Variants in RASA3 observed in about 807,000 individuals in gnomAD.
The protein encoded by RASA3 is ras GTPase-activating protein 3.
A neutral mutation model predicts 110.0 loss-of-function variants in RASA3; 73 were observed. The ratio of observed to expected loss-of-function variants is 0.66; its 90% confidence interval spans 0.55 to 0.81. The LOEUF (loss-of-function observed/expected upper bound fraction) is 0.81. RASA3 is among the 30% of genes least tolerant of loss of function. The pLI is 0.00. For missense variants in RASA3, 976 were observed against 1,113.2 expected (o/e 0.88, Z 1.75); for synonymous variants, 500 against 451.4 (o/e 1.11, Z -1.37).
At chr13:114,095,026 CTAT>C (rs1192746955) in intron 1 of RASA3, among the ~76,000 whole-genome samples, 1 of 152,176 alleles carries the variant, frequency 6.6e-6, no homozygotes, top group Non-Finnish European at 1.5e-5. Flanking sequence ...AAAGGTGATG[CTAT>C]TATTCTACCT....
At chr13:113,981,639 C>A (rs2052936770) in intron 23 of RASA3, 36 bp downstream of exon 23, 1 of 1,607,046 alleles carries the variant, frequency 6.2e-7, no homozygotes, top group African/African-American at 1.3e-5. Flanking sequence ...GCCCACTACA[C>A]TGGCCGTCCA....
intron 4 of RASA3, among the ~76,000 whole-genome samples, chr13:114,033,893 C>T (rs1321019177): frequency 4.6e-5 from 7 of 152,252 alleles, no homozygotes; most frequent in South Asian, 4.1e-4. Context: ...ATGAACCCCA[C>T]GCCAGCACTG....
chr13:114,019,409 C>G (rs1245374012), intron 9 of RASA3, among the ~76,000 whole-genome samples: 1 of 152,260 alleles, frequency 6.6e-6, no homozygotes, highest in Non-Finnish European at 1.5e-5. Flanking sequence ...ATCTTTGGTT[C>G]TACCCCACGC....
At chr13:114,003,491 C>A (rs2053448986) in intron 18 of RASA3, among the ~76,000 whole-genome samples, 1 of 152,226 alleles carries the variant, frequency 6.6e-6, no homozygotes, top group Admixed American at 6.5e-5. Context: ...AAAAAGTTTC[C>A]TCTTCAAAGT....
chr13:114,044,854 T>A (rs951186578), intron 3 of RASA3, among the ~76,000 whole-genome samples: 2 of 152,140 alleles, frequency 1.3e-5, no homozygotes, highest in African/African-American at 4.8e-5. Context: ...TTCACATTTT[T>A]ATGAGCTGAA....
rs1014065956 is a variant in RASA3 at position 114,057,864 on chromosome 13, G to C, written c.174-5709C>G. Among the ~76,000 whole-genome samples the C allele has an allele frequency of 1.3e-5, 2 of 152,164 alleles. No homozygotes were observed. The highest frequency in any genetic ancestry group is 1.9e-4 in the East Asian group (1 of 5,186). ...AATGGCTTCCCTGGGGTGCGGGCTC[G>C]GCCTGCAGGATGGAGGCTGGAGAGC... On this transcript the variant is annotated intron_variant, in intron 2 of 23. Transcript: ENST00000334062. The surrounding 1 kb of genome is among the most constrained non-coding windows in gnomAD (Gnocchi z 5.0).
At chr13:113,991,127 C>T (rs528926270) in intron 22 of RASA3, among the ~76,000 whole-genome samples, 3 of 113,742 alleles carry the variant, frequency 2.6e-5, no homozygotes, top group Admixed American at 1.8e-4. Flanking sequence ...ACACCCAGGG[C>T]ATGTGGGGCT....
intron 2 of RASA3, among the ~76,000 whole-genome samples, chr13:114,071,418 G>A (rs1566550472): frequency 6.6e-6 from 1 of 152,190 alleles, no homozygotes; most frequent in Non-Finnish European, 1.5e-5. Context: ...GGTCTGAGAG[G>A]ATCCCGGCCT....
At chr13:114,046,676 G>A (rs138515639) in intron 3 of RASA3, among the ~76,000 whole-genome samples, 1 of 152,300 alleles carries the variant, frequency 6.6e-6, no homozygotes, top group East Asian at 1.9e-4. Flanking sequence ...ACCCATCCCT[G>A]TCTCAGCTAG....
At chr13:114,052,453 G>C (rs945777989) in intron 2 of RASA3, among the ~76,000 whole-genome samples, 1 of 152,204 alleles carries the variant, frequency 6.6e-6, no homozygotes, top group Non-Finnish European at 1.5e-5. Context: ...TCCATGCTAC[G>C]TGCTCAGGTC....
intron 1 of RASA3, among the ~76,000 whole-genome samples, chr13:114,095,134 G>A (rs1262178360): frequency 1.3e-5 from 2 of 152,238 alleles, no homozygotes; most frequent in African/African-American, 4.8e-5. Context: ...CAGGATAAAT[G>A]CTTGATTATT....
At position 113,992,923 on chromosome 13, in the gene RASA3, ACT is replaced by A. The variant is rs1233708262; in HGVS notation, c.2142-337_2142-336del. ...TAAAATGTGCTTATCATTTGTACTA[ACT>A]GACCTTTCCTGAAATCACGCAGTAC... On this transcript the variant is annotated intron_variant, in intron 21 of 23. Transcript: ENST00000334062. Among the ~76,000 whole-genome samples the A allele has an allele frequency of 2.0e-5, 3 of 152,358 alleles. No homozygotes were observed. The East Asian group carries it at 5.8e-4, about 29-fold the overall frequency.
At chr13:113,980,355 TGTGTGTGCGCCTCCTCC>T (rs1048380070) in intron 23 of RASA3, among the ~76,000 whole-genome samples, 2 of 139,526 alleles carry the variant, frequency 1.4e-5, no homozygotes, top group Admixed American at 7.0e-5. Context: ...CCTCCTGCCA[TGTGTGTGCGCCTCCTCC>T]GTGTGTGTGC....
intron 4 of RASA3, among the ~76,000 whole-genome samples, chr13:114,040,593 GCCCGCGCTCACTCCGA>G (rs1447100252): frequency 6.3e-5 from 8 of 126,836 alleles, no homozygotes; most frequent in African/African-American, 2.3e-4. Context: ...CCATGGCGGA[GCCCGCGCTCACTCCGA>G]GCACAAGCGG....
At chr13:113,991,880 C>CCA (rs761045021) in intron 22 of RASA3, among the ~76,000 whole-genome samples, 3 of 152,136 alleles carry the variant, frequency 2.0e-5, no homozygotes, top group Admixed American at 6.5e-5. Context: ...TCACGTGTCC[C>CCA]CACACACACA....
At chr13:114,128,442 G>C (rs2139805931) in intron 1 of RASA3, among the ~76,000 whole-genome samples, 1 of 152,340 alleles carries the variant, frequency 6.6e-6, no homozygotes, top group East Asian at 1.9e-4. Context: ...AGCAGAGCTG[G>C]GCCCGGAGCC....
Position 114,011,691 on chromosome 13 carries a change from G to A in RASA3, c.1513-443C>T, listed in dbSNP as rs1473535031. 1.3e-5 allele frequency among the ~76,000 whole-genome samples: 2 copies of A among 152,094 alleles called. No individual in the cohort carries two copies. Among genetic ancestry groups the A allele is most frequent in the African/African-American group, 2.4e-5 (1 of 41,408 alleles). ...TAATCCCAGCACTTCGGGAGGCCGA[G>A]GCAGGTAGATCACTTGAGGTCAGGA... On this transcript the variant is annotated intron_variant, in intron 15 of 23. Coordinates refer to ENST00000334062, the MANE Select transcript of RASA3 (RefSeq NM_007368.4). The surrounding 1 kb of genome is among the most constrained non-coding windows in gnomAD (Gnocchi z 4.8).
At chr13:114,118,774 C>T (rs542902441) in intron 1 of RASA3, among the ~76,000 whole-genome samples, 1 of 152,258 alleles carries the variant, frequency 6.6e-6, no homozygotes, top group Non-Finnish European at 1.5e-5. Flanking sequence ...AGCCCACTGC[C>T]TGGCCTTCTC....
rs2053683013 is a variant in RASA3 at position 114,013,328 on chromosome 13, G to A, written c.1406-80C>T. ...GGACACCATGCCCCGGCCCCCTGAG[G>A]GTCCGCAGGGAAGTCCAGCCACAGT... is the stretch of plus-strand genomic sequence containing the variant. On this transcript the variant is annotated intron_variant, in intron 14 of 23. Coordinates refer to ENST00000334062, the MANE Select transcript of RASA3 (RefSeq NM_007368.4). 86 of 1,026,460 alleles carry A rather than the reference G, an allele frequency of 8.4e-5. 1 individual carries two copies. In the South Asian group the frequency reaches 1.3e-3, roughly 16 times the overall value. The allele number at this position is 1,026,460 out of a possible 1,614,324, so 63.6% of individuals were successfully genotyped here.
Sources: allele counts gnomAD v4.1 joint callset (sites outside exome capture counted in the v4.1 genomes callset), GRCh38; gene constraint gnomAD v4.1.1; non-coding constraint Gnocchi (gnomAD v3.1); transcripts MANE v1.5; gene names NCBI Gene and HGNC (gene_info 2026-07-23, HGNC 2026-07-21).